Variants in GRIP1 observed in about 807,000 individuals in gnomAD.
The protein encoded by GRIP1 is glutamate receptor interacting protein 1, also known as glutamate receptor-interacting protein 1.
GRIP1 carries 45 observed loss-of-function variants against 129.9 expected under a neutral mutation model. The observed-to-expected ratio is 0.35, with a 90% CI of 0.27 to 0.44. The LOEUF (loss-of-function observed/expected upper bound fraction) is 0.44. GRIP1 is among the 20% of genes least tolerant of loss of function. GRIP1 has a pLI of 1.00. For synonymous variants in GRIP1, 530 were observed against 520.8 expected (o/e 1.02, Z -0.24); for missense variants, 1,196 against 1,396.8 (o/e 0.86, Z 2.29).
At chr12:66,636,360 T>A (rs1592681780) in intron 1 of GRIP1, among the ~76,000 whole-genome samples, 1 of 152,174 alleles carries the variant, frequency 6.6e-6, no homozygotes, top group East Asian at 1.9e-4. Flanking sequence ...CATATGAATG[T>A]ACTTAATGCC....
chr12:67,006,538 G>C (rs1457749828), intron 1 of GRIP1, among the ~76,000 whole-genome samples: 2 of 152,158 alleles, frequency 1.3e-5, no homozygotes, highest in South Asian at 2.1e-4. Flanking sequence ...AGTGAGCTGT[G>C]ATCATGCCAC....
intron 14 of GRIP1, among the ~76,000 whole-genome samples, chr12:66,429,720 T>C (rs1211098920): frequency 6.6e-6 from 1 of 151,954 alleles, no homozygotes; most frequent in Admixed American, 6.6e-5. Flanking sequence ...AAATAAATAA[T>C]ATAATATTTC....
chr12:66,356,605 C>T (rs1451814778), intron 23 of GRIP1, among the ~76,000 whole-genome samples: 1 of 151,982 alleles, frequency 6.6e-6, no homozygotes. Context: ...ATCTATTCAC[C>T]ACTCAGATCC....
intron 1 of GRIP1, among the ~76,000 whole-genome samples, chr12:66,874,824 C>T (rs1294300524): frequency 1.3e-5 from 2 of 152,014 alleles, no homozygotes; most frequent in Non-Finnish European, 2.9e-5. Flanking sequence ...TACTGTTCCC[C>T]AGTGGGAAAA....
intron 1 of GRIP1, among the ~76,000 whole-genome samples, chr12:67,040,008 C>T (rs970232811): frequency 5.3e-5 from 8 of 152,084 alleles, no homozygotes; most frequent in African/African-American, 1.4e-4. Context: ...TTAAGCTGTT[C>T]GCTCTCCTCC....
At chr12:66,865,026 T>C (rs1410919745) in intron 1 of GRIP1, among the ~76,000 whole-genome samples, 2 of 152,266 alleles carry the variant, frequency 1.3e-5, no homozygotes, top group Non-Finnish European at 2.9e-5. Flanking sequence ...GTCCCAGACC[T>C]ATAGTTAATT....
chr12:66,510,853 A>G (rs2060676717), intron 7 of GRIP1, among the ~76,000 whole-genome samples: 1 of 152,198 alleles, frequency 6.6e-6, no homozygotes, highest in African/African-American at 2.4e-5. Context: ...ATTATTAATG[A>G]AAGTAAAACC....
At chr12:66,683,431 A>C (rs1429005577), upstream of GRIP1, among the ~76,000 whole-genome samples, 2 of 152,182 alleles carry the variant, frequency 1.3e-5, no homozygotes, top group African/African-American at 4.8e-5. Flanking sequence ...ATTTGCTGAC[A>C]CAGGTTCTAA....
At chr12:66,786,388 C>T (rs576334195) in intron 1 of GRIP1, among the ~76,000 whole-genome samples, 26 of 152,258 alleles carry the variant, frequency 1.7e-4, no homozygotes, top group Non-Finnish European at 3.2e-4. Context: ...GGAACAGCAC[C>T]GTGTCTTACA....
intron 1 of GRIP1, among the ~76,000 whole-genome samples, chr12:66,829,897 C>T (rs952345269): frequency 6.6e-6 from 1 of 152,150 alleles, no homozygotes; most frequent in African/African-American, 2.4e-5. Context: ...GTAGAGCTCA[C>T]TGTTTTACAG....
intron 1 of GRIP1, among the ~76,000 whole-genome samples, chr12:66,828,870 C>T (rs1262203346): frequency 6.6e-6 from 1 of 152,104 alleles, no homozygotes; most frequent in African/African-American, 2.4e-5. Flanking sequence ...GTTGGTATTG[C>T]TCCTGTAATG....
At chr12:66,844,163 T>C (rs1308680141) in intron 1 of GRIP1, among the ~76,000 whole-genome samples, 2 of 152,080 alleles carry the variant, frequency 1.3e-5, no homozygotes, top group African/African-American at 4.8e-5. Context: ...CTTCCAAAGA[T>C]ATACAAATGG....
chr12:66,630,882 C>T (rs921173978), intron 1 of GRIP1, among the ~76,000 whole-genome samples: 1 of 151,948 alleles, frequency 6.6e-6, no homozygotes, highest in Non-Finnish European at 1.5e-5. Context: ...TAAATCTCCA[C>T]GTTTGTTGGC....
At chr12:66,790,951 G>A (rs905724621) in intron 1 of GRIP1, among the ~76,000 whole-genome samples, 4 of 152,092 alleles carry the variant, frequency 2.6e-5, no homozygotes, top group African/African-American at 9.7e-5. Context: ...AAAGAAGATG[G>A]GTCACAGAAG....
intron 5 of GRIP1, among the ~76,000 whole-genome samples, chr12:66,521,575 T>C (rs4506731): frequency 0.47 from 71,463 of 151,386 alleles, 17,006 homozygotes; most frequent in African/African-American, 0.56. Context: ...CCAGCGTGAG[T>C]GACGCAGAAG....
chr12:66,707,862 G>A (rs141913582), intron 1 of GRIP1, among the ~76,000 whole-genome samples: 97 of 152,020 alleles, frequency 6.4e-4, no homozygotes, highest in African/African-American at 2.2e-3. Context: ...GAAATTACTA[G>A]TGTCATTAAA....
At chr12:66,710,043 CTGCGG>C (rs1338503769) in intron 1 of GRIP1, among the ~76,000 whole-genome samples, 3 of 152,004 alleles carry the variant, frequency 2.0e-5, no homozygotes, top group Admixed American at 6.6e-5. Flanking sequence ...TGACCTTTCA[CTGCGG>C]TGATCACCTG....
Position 66,536,086 on chromosome 12 carries a change from TGCACAAC to T in GRIP1, c.418+2985_418+2991del, listed in dbSNP as rs1565838373. ...GGGTTAACTTTGACTCCTCTTTTTC[TGCACAAC>T]TCACAAATCCATTAGGTAATCCTGT... is the stretch of plus-strand genomic sequence containing the variant. On this transcript the variant is annotated intron_variant, in intron 4 of 24. Transcript: ENST00000359742. Among the ~76,000 whole-genome samples, 3 of 152,328 alleles carry T rather than the reference TGCACAAC, an allele frequency of 2.0e-5. No individual in the cohort carries two copies. The East Asian group carries it at 5.8e-4, about 29-fold the overall frequency.
intron 1 of GRIP1, among the ~76,000 whole-genome samples, chr12:66,698,640 T>C (rs954774506): frequency 2.0e-5 from 3 of 152,146 alleles, no homozygotes; most frequent in East Asian, 1.9e-4. Context: ...GTTTGTTCGG[T>C]GAAGATAATA....
Sources: gnomAD v4.1 joint callset for allele counts (sites outside exome capture counted in the v4.1 genomes callset) on GRCh38, gnomAD v4.1.1 for gene constraint, MANE v1.5 for transcripts, NCBI Gene and HGNC (gene_info 2026-07-23, HGNC 2026-07-21) for gene names.